The following USH2A variants were observed in gnomAD, a reference collection of about 807,000 sequenced individuals.
The protein encoded by USH2A is usherin, also known as Usher syndrome 2A (autosomal recessive, mild).
Under a neutral mutation model 538.9 loss-of-function variants are expected in USH2A, and 443 were observed. That is an observed-to-expected ratio of 0.82 (90% CI 0.76 to 0.89). The LOEUF (loss-of-function observed/expected upper bound fraction) is 0.89. USH2A is among the 40% of genes least tolerant of loss of function. The pLI, the probability that USH2A is intolerant of heterozygous loss-of-function variation, is 0.00. For synonymous variants in USH2A, 2,413 were observed against 2,273.5 expected, an observed-to-expected ratio of 1.06 and a Z score of -1.75; for missense variants, 6,633 against 6,324.8, an observed-to-expected ratio of 1.05 and a Z score of -1.65.
intron 58 of USH2A, among the ~76,000 whole-genome samples, chr1:215,751,451 T>A (rs1253401656): frequency 6.6e-6 from 1 of 152,130 alleles, no homozygotes; most frequent in Non-Finnish European, 1.5e-5. Context: ...AGAACATGAT[T>A]AAGGGCTAGA....
At chr1:215,923,208 T>C (rs961814938) in intron 38 of USH2A, among the ~76,000 whole-genome samples, 13 of 151,914 alleles carry the variant, frequency 8.6e-5, no homozygotes, top group African/African-American at 3.1e-4. Context: ...ACACAACACA[T>C]AGAGGCTTAA....
At position 216,084,847 on chromosome 1, in the gene USH2A, A is replaced by G. The variant is rs1162305984; in HGVS notation, c.5018T>C (p.Leu1673Pro). 8.1e-6 allele frequency: 13 copies of G among 1,613,368 alleles called. No homozygotes were observed. The highest frequency in any genetic ancestry group is 1.1e-5 in the Non-Finnish European group (13 of 1,179,620). ...EIIQKGFVGC[L>P]KDVHFMKNYN... ...ATTCTTCATAAAATGTACATCCTTG[A>G]GACAGCCCACAAAACCTTTTTGGAT... is the stretch of plus-strand genomic sequence containing the variant. The change falls in exon 25 of 72, where the codon CTC (leucine) becomes CCC (proline). Residue 1673 changes from leucine (L) to proline (P), a missense_variant. Leu to Pro is a moderately conservative substitution (Grantham distance 98). Transcript: ENST00000307340.
At chr1:215,892,363 C>T (rs899785599) in intron 40 of USH2A, among the ~76,000 whole-genome samples, 1 of 152,144 alleles carries the variant, frequency 6.6e-6, no homozygotes, top group Non-Finnish European at 1.5e-5. Context: ...AGTTTAAAAA[C>T]TCTTTTTGGT....
intron 14 of USH2A, among the ~76,000 whole-genome samples, chr1:216,224,851 C>A (rs2035529709): frequency 6.6e-6 from 1 of 151,938 alleles, no homozygotes; most frequent in African/African-American, 2.4e-5. Context: ...CTTGTATCTT[C>A]CCCTTTCATA....
At chr1:216,416,458 AT>A (rs1332380788) in intron 3 of USH2A, among the ~76,000 whole-genome samples, 1 of 152,154 alleles carries the variant, frequency 6.6e-6, no homozygotes, top group African/African-American at 2.4e-5. Context: ...ATGCAAAAAA[AT>A]AAATAAAAGA....
At chr1:216,139,380 T>C (rs2033555055) in intron 21 of USH2A, among the ~76,000 whole-genome samples, 1 of 149,964 alleles carries the variant, frequency 6.7e-6, no homozygotes, top group East Asian at 2.0e-4. Flanking sequence ...GAGTCGCAGC[T>C]GACTCAAGGT....
intron 19 of USH2A, among the ~76,000 whole-genome samples, chr1:216,195,278 G>A (rs1473900137): frequency 6.6e-6 from 1 of 152,138 alleles, no homozygotes; most frequent in African/African-American, 2.4e-5. Context: ...GTGCAAGCAG[G>A]TGGTTCAGGC....
intron 24 of USH2A, 82 bp from the exon 25 acceptor site, chr1:216,084,959 A>C (rs2032081380): frequency 7.1e-7 from 1 of 1,408,732 alleles, no homozygotes. Context: ...CATTAAAGTC[A>C]AAGAAATAGG....
At chr1:216,356,530 T>C (rs907237873) in intron 4 of USH2A, among the ~76,000 whole-genome samples, 4 of 152,110 alleles carry the variant, frequency 2.6e-5, no homozygotes, top group African/African-American at 9.6e-5. Context: ...AACTTTAATA[T>C]GTATATGTAT....
At chr1:215,773,729 A>G (rs1463334232) in intron 55 of USH2A, among the ~76,000 whole-genome samples, 2 of 152,076 alleles carry the variant, frequency 1.3e-5, no homozygotes, top group African/African-American at 4.8e-5. Flanking sequence ...GGATCTCACT[A>G]AGTGATCCCT....
At chr1:215,824,501 G>A (rs1308940779) in intron 47 of USH2A, among the ~76,000 whole-genome samples, 1 of 152,126 alleles carries the variant, frequency 6.6e-6, no homozygotes, top group East Asian at 1.9e-4. Context: ...TATCCTGGTA[G>A]TGTGAGGAGG....
At chr1:216,231,830 G>T (rs2035700763) in intron 14 of USH2A, 123 bp downstream of exon 14, 1 of 1,169,828 alleles carries the variant, frequency 8.5e-7, no homozygotes, top group African/African-American at 1.5e-5. Flanking sequence ...TGGGATTACA[G>T]GTGTGAGCCA....
intron 54 of USH2A, among the ~76,000 whole-genome samples, chr1:215,781,558 C>T (rs1183579837): frequency 6.6e-6 from 1 of 152,102 alleles, no homozygotes; most frequent in Non-Finnish European, 1.5e-5. Flanking sequence ...CCTCTGCTGC[C>T]TAAATTCAGG....
chr1:215,986,481 T>A (rs1667877829), intron 35 of USH2A, among the ~76,000 whole-genome samples: 1 of 152,004 alleles, frequency 6.6e-6, no homozygotes, highest in Admixed American at 6.6e-5. Context: ...CATGTGGTTA[T>A]TAACAAATCC....
intron 32 of USH2A, among the ~76,000 whole-genome samples, chr1:216,004,280 C>T (rs930229308): frequency 4.6e-5 from 7 of 151,946 alleles, no homozygotes; most frequent in Non-Finnish European, 7.4e-5. Flanking sequence ...GGAGTGCAAA[C>T]GGAGTGAGAA....
chr1:216,360,311 T>C (rs1028420350), intron 4 of USH2A, among the ~76,000 whole-genome samples: 3 of 152,144 alleles, frequency 2.0e-5, no homozygotes, highest in African/African-American at 4.8e-5. Flanking sequence ...AATCTGAGGA[T>C]ACATGATTTT....
intron 23 of USH2A, among the ~76,000 whole-genome samples, chr1:216,087,190 C>T (rs1296805726): frequency 1.3e-5 from 2 of 152,146 alleles, no homozygotes; most frequent in Non-Finnish European, 2.9e-5. Context: ...TTCTAATGCC[C>T]ACCTTCTTTG....
chr1:216,198,624 C>A (rs2034910892), intron 17 of USH2A, 40 bp from the exon 18 acceptor site: 1 of 1,592,170 alleles, frequency 6.3e-7, no homozygotes, highest in South Asian at 1.1e-5. Flanking sequence ...ACTCATCAGA[C>A]AAAGGGGTTA....
chr1:216,223,896 A>ATAACC (rs2035510474), intron 14 of USH2A, among the ~76,000 whole-genome samples: 1 of 152,248 alleles, frequency 6.6e-6, no homozygotes, highest in South Asian at 2.1e-4. Context: ...GACCAAATCT[A>ATAACC]TAACCTAGTG....
Sources: allele counts gnomAD v4.1 joint callset (sites outside exome capture counted in the v4.1 genomes callset), GRCh38; gene constraint gnomAD v4.1.1; transcripts MANE v1.5; gene names NCBI Gene and HGNC (gene_info 2026-07-23, HGNC 2026-07-21).